CHD9: variants seen among roughly 807,000 people sequenced by gnomAD.
CHD9 encodes chromodomain helicase DNA binding protein 9.
CHD9 carries 77 observed loss-of-function variants against 316.1 expected under a neutral mutation model. The observed-to-expected ratio is 0.24, with a 90% CI of 0.20 to 0.29. CHD9 has a LOEUF of 0.29. Ranked by LOEUF, CHD9 falls within the 10% of genes least tolerant of loss-of-function variation. The pLI is 1.00. For missense variants in CHD9, 2,763 were observed against 3,438.1 expected (o/e 0.80, Z 4.91); for synonymous variants, 1,129 against 1,158.3 (o/e 0.97, Z 0.51).
chr16:53,109,234 G>A (rs997429681), intron 1 of CHD9, among the ~76,000 whole-genome samples: 1 of 152,158 alleles, frequency 6.6e-6, no homozygotes, highest in Non-Finnish European at 1.5e-5. Flanking sequence ...GCTGCTGTGT[G>A]GTTTAGTGAC....
chr16:53,072,689 T>C (rs1414396276), intron 1 of CHD9, among the ~76,000 whole-genome samples: 1 of 150,296 alleles, frequency 6.7e-6, no homozygotes, highest in African/African-American at 2.5e-5. Flanking sequence ...AACTTTTTAT[T>C]TTTTTATTTT....
intron 2 of CHD9, among the ~76,000 whole-genome samples, chr16:53,171,879 C>G (rs145133456): frequency 5.3e-4 from 42 of 79,956 alleles, no homozygotes; most frequent in South Asian, 3.4e-3. Flanking sequence ...CACACACACA[C>G]ACACACACAC....
intron 1 of CHD9, among the ~76,000 whole-genome samples, chr16:53,109,976 G>A (rs1245013319): frequency 2.6e-5 from 4 of 152,064 alleles, no homozygotes; most frequent in African/African-American, 4.8e-5. Flanking sequence ...GAGCCACTGC[G>A]CCCGGCCTGG....
At chr16:53,236,250 C>G (rs1360755689) in intron 11 of CHD9, among the ~76,000 whole-genome samples, 1 of 152,076 alleles carries the variant, frequency 6.6e-6, no homozygotes, top group East Asian at 1.9e-4. Flanking sequence ...TTCTTGAAAC[C>G]CTTTATCACA....
chr16:53,245,270 C>G lies in CHD9; in HGVS notation c.3055-66C>G. On this transcript the variant is annotated intron_variant, in intron 13 of 38. Coordinates refer to ENST00000447540, the MANE Select transcript of CHD9 (RefSeq NM_001308319.2). The surrounding 1 kb of genome is among the most constrained non-coding windows in gnomAD (Gnocchi z 4.1). Reference sequence around the variant, plus strand: ...ATTTGCATATTGATCATTCGATAATCTAAGTCAGCTTTCATATAATTTTAG... The same window carrying G: ...ATTTGCATATTGATCATTCGATAATGTAAGTCAGCTTTCATATAATTTTAG... 1.6e-6 allele frequency: 2 copies of G among 1,245,078 alleles called. No homozygotes were observed. The highest frequency in any genetic ancestry group is 2.1e-6 in the Non-Finnish European group (2 of 930,478). The allele number at this position is 1,245,078 out of a possible 1,614,324, so 77.1% of individuals were successfully genotyped here.
chr16:53,062,908 G>T (rs1046992290), intron 1 of CHD9, among the ~76,000 whole-genome samples: 5 of 152,110 alleles, frequency 3.3e-5, no homozygotes, highest in African/African-American at 1.2e-4. Flanking sequence ...TGTAATCCCA[G>T]ATACTCGGGA....
intron 24 of CHD9, among the ~76,000 whole-genome samples, chr16:53,284,512 A>G (rs1329755084): frequency 2.0e-5 from 3 of 152,154 alleles, no homozygotes; most frequent in African/African-American, 4.8e-5. Context: ...CAGTCCTTCT[A>G]TACATGACAT....
chr16:53,255,848 T>G (rs2050544450), intron 19 of CHD9, 69 bp downstream of exon 19: 1 of 1,368,948 alleles, frequency 7.3e-7, no homozygotes, highest in African/African-American at 1.4e-5. Context: ...AAAGTTTAAT[T>G]ATCTCTTATA....
At chr16:53,070,300 A>T (rs1379726067) in intron 1 of CHD9, among the ~76,000 whole-genome samples, 1 of 151,936 alleles carries the variant, frequency 6.6e-6, no homozygotes, top group African/African-American at 2.4e-5. Flanking sequence ...TTGGTGTTGT[A>T]TTCAAGAAAT....
intron 1 of CHD9, among the ~76,000 whole-genome samples, chr16:53,078,594 CT>C (rs1216249616): frequency 4.6e-5 from 7 of 152,146 alleles, no homozygotes; most frequent in African/African-American, 4.8e-5. Flanking sequence ...ATCATGTCTA[CT>C]TTTTTTCTTT....
Position 53,156,214 on chromosome 16 carries a change from G to T in CHD9, c.125G>T (p.Gly42Val). 1 of 1,613,932 alleles carries T rather than the reference G, an allele frequency of 6.2e-7. No homozygotes were observed. The highest frequency in any genetic ancestry group is 8.5e-7 in the Non-Finnish European group (1 of 1,179,884). The part of the protein sequence containing the change: ...PVSLVDELNL[G>V]AEFEPLHIDS... ...TCACTAGTTGATGAATTGAATTTGGGTGCAGAATTTGAACCGTTGCACATA... is the reference window on the plus strand; with the variant it reads ...TCACTAGTTGATGAATTGAATTTGGTTGCAGAATTTGAACCGTTGCACATA... The change falls in exon 2 of 39, where the codon GGT becomes GTT. Residue 42 changes from glycine (G) to valine (V), a missense_variant. By Grantham distance (109) the Gly-to-Val change is moderately radical. Coordinates refer to ENST00000447540, the MANE Select transcript of CHD9 (RefSeq NM_001308319.2).
rs192109525 is a variant in CHD9 at position 53,171,030 on chromosome 16, A to G, written c.1452+13489A>G. Reference sequence around the variant, plus strand: ...GCAGCAGTATAGACACAGATAATATATATAATAATTGTTGATAGATACTAA... The same window carrying G: ...GCAGCAGTATAGACACAGATAATATGTATAATAATTGTTGATAGATACTAA... On this transcript the variant is annotated intron_variant, in intron 2 of 38. Transcript: ENST00000447540. Among the ~76,000 whole-genome samples, 49 of 152,284 alleles carry G rather than the reference A, an allele frequency of 3.2e-4. No individual in the cohort carries two copies. In the East Asian group the frequency reaches 8.9e-3, roughly 28 times the overall value.
chr16:53,129,792 C>T (rs2039136071), intron 1 of CHD9, among the ~76,000 whole-genome samples: 1 of 152,104 alleles, frequency 6.6e-6, no homozygotes, highest in Non-Finnish European at 1.5e-5. Flanking sequence ...ATTTTTAATT[C>T]GGTAGAAAGC....
At position 53,163,478 on chromosome 16, in the gene CHD9, G is replaced by A. The variant is rs143179033; in HGVS notation, c.1452+5937G>A. On this transcript the variant is annotated intron_variant, in intron 2 of 38. Transcript: ENST00000447540. ...GCCTGCCTCGGCCTCCCAAAGTGCTGGGATTACAGGCGTGAGCCACTGTGC... is the reference window on the plus strand; with the variant it reads ...GCCTGCCTCGGCCTCCCAAAGTGCTAGGATTACAGGCGTGAGCCACTGTGC... Among the ~76,000 whole-genome samples, 744 of 152,302 alleles carry A rather than the reference G, an allele frequency of 4.9e-3. 5 individuals are homozygous for A. The highest frequency in any genetic ancestry group is 0.017 in the African/African-American group (709 of 41,570).
chr16:53,276,592 G>A (rs1280277420), intron 24 of CHD9, among the ~76,000 whole-genome samples: 2 of 152,090 alleles, frequency 1.3e-5, no homozygotes, highest in Non-Finnish European at 2.9e-5. Flanking sequence ...CAGTAGAAAT[G>A]TCCCTCCTCC....
chr16:53,072,332 T>A (rs1365900274), intron 1 of CHD9, among the ~76,000 whole-genome samples: 2 of 151,542 alleles, frequency 1.3e-5, no homozygotes, highest in Admixed American at 6.6e-5. Flanking sequence ...TTTTTTTTTT[T>A]TATAATTGGG....
intron 2 of CHD9, among the ~76,000 whole-genome samples, chr16:53,203,920 A>T (rs549080222): frequency 6.8e-6 from 1 of 148,092 alleles, no homozygotes; most frequent in South Asian, 2.2e-4. Context: ...GCTACTCGTG[A>T]GCCTGAGGCA....
At chr16:53,119,430 A>G (rs999410887) in intron 1 of CHD9, among the ~76,000 whole-genome samples, 1 of 152,192 alleles carries the variant, frequency 6.6e-6, no homozygotes, top group Non-Finnish European at 1.5e-5. Flanking sequence ...CCTAACAGCA[A>G]TATATGAATT....
chr16:53,059,214 C>T (rs985887486), intron 1 of CHD9, among the ~76,000 whole-genome samples: 6 of 152,138 alleles, frequency 3.9e-5, no homozygotes, highest in African/African-American at 1.4e-4. Flanking sequence ...AAATCAGTAA[C>T]TAAGTGGTGG....
Sources: gnomAD v4.1 joint callset for allele counts (sites outside exome capture counted in the v4.1 genomes callset) on GRCh38, gnomAD v4.1.1 for gene constraint, Gnocchi (gnomAD v3.1) non-coding constraint, MANE v1.5 for transcripts, NCBI Gene and HGNC (gene_info 2026-07-23, HGNC 2026-07-21) for gene names.